CACNA2D2: variants seen among roughly 807,000 people sequenced by gnomAD.
CACNA2D2 encodes the protein calcium voltage-gated channel auxiliary subunit alpha2delta 2.
CACNA2D2 carries 48 observed loss-of-function variants against 166.4 expected under a neutral mutation model. That is an observed-to-expected ratio of 0.29 (90% CI 0.23 to 0.37). The LOEUF is 0.37. CACNA2D2 is among the 10% of genes least tolerant of loss of function. The pLI is 1.00. For synonymous variants in CACNA2D2, 561 were observed against 573.7 expected (o/e 0.98, Z 0.32); for missense variants, 1,122 against 1,433.0 (o/e 0.78, Z 3.50).
intron 1 of CACNA2D2, among the ~76,000 whole-genome samples, chr3:50,483,576 C>T (rs978925258): frequency 6.6e-6 from 1 of 152,180 alleles, no homozygotes; most frequent in Non-Finnish European, 1.5e-5. Flanking sequence ...GGCACCAGGT[C>T]CAGCCCAATA....
At chr3:50,456,196 T>C (rs370661932) in intron 2 of CACNA2D2, among the ~76,000 whole-genome samples, 1 of 152,170 alleles carries the variant, frequency 6.6e-6, no homozygotes, top group Non-Finnish European at 1.5e-5. Flanking sequence ...AAGGGCTGTG[T>C]GCAAATGGAG....
chr3:50,382,231 T>C (rs1256131675), intron 6 of CACNA2D2, among the ~76,000 whole-genome samples: 1 of 152,118 alleles, frequency 6.6e-6, no homozygotes, highest in African/African-American at 2.4e-5. Flanking sequence ...CTGCCAGGCC[T>C]CTGTGCCTCC....
At chr3:50,497,475 G>A (rs954547673) in intron 1 of CACNA2D2, among the ~76,000 whole-genome samples, 22 of 152,288 alleles carry the variant, frequency 1.4e-4, no homozygotes, top group African/African-American at 4.3e-4. Flanking sequence ...GCTCAGTCAC[G>A]GGTAACAGTG....
chr3:50,385,817 G>T (rs966964559), intron 5 of CACNA2D2, among the ~76,000 whole-genome samples: 5 of 152,222 alleles, frequency 3.3e-5, no homozygotes, highest in Admixed American at 2.6e-4. Flanking sequence ...GCTCAGAGGA[G>T]GGGGAGGCGC....
At chr3:50,426,445 T>C (rs1009980877) in intron 3 of CACNA2D2, among the ~76,000 whole-genome samples, 2 of 152,076 alleles carry the variant, frequency 1.3e-5, no homozygotes, top group African/African-American at 4.8e-5. Flanking sequence ...AGCCAAGGTG[T>C]CCCCACAGGA....
At chr3:50,452,002 A>C (rs1056605097) in intron 2 of CACNA2D2, among the ~76,000 whole-genome samples, 2 of 152,186 alleles carry the variant, frequency 1.3e-5, no homozygotes, top group Non-Finnish European at 2.9e-5. Flanking sequence ...TGCATCACCC[A>C]GATTACCCCT....
At chr3:50,396,031 C>T (rs911597468) in intron 3 of CACNA2D2, among the ~76,000 whole-genome samples, 4 of 152,128 alleles carry the variant, frequency 2.6e-5, no homozygotes, top group African/African-American at 4.8e-5. Context: ...CTGGGACCCA[C>T]ACCCTCCTCT....
In CACNA2D2 at chr3:50,427,760, C is replaced by T. The variant is rs920602441; in HGVS notation, c.405+6553G>A. Among the ~76,000 whole-genome samples, 1 of 152,242 alleles carries T rather than the reference C, an allele frequency of 6.6e-6. No homozygotes were observed. Among genetic ancestry groups the T allele is most frequent in the Non-Finnish European group, 1.5e-5 (1 of 68,042 alleles). ...CCACAACCCAGAGCCACAGCGCTGG[C>T]AACTGTTCTACAAATGTTCACCAGT... On this transcript the variant is annotated intron_variant, in intron 3 of 37. Coordinates refer to ENST00000424201, the MANE Select transcript of CACNA2D2 (RefSeq NM_006030.4). This position sits in a 1 kb window ranked among gnomAD's most constrained non-coding sequence, Gnocchi z 4.7.
chr3:50,402,742 C>T (rs1383875157), intron 3 of CACNA2D2, among the ~76,000 whole-genome samples: 11 of 152,202 alleles, frequency 7.2e-5, no homozygotes, highest in Admixed American at 7.2e-4. Flanking sequence ...TCAGTCAGTC[C>T]CTGGCAACCC....
chr3:50,453,005 T>G (rs1709176250), intron 2 of CACNA2D2, among the ~76,000 whole-genome samples: 1 of 152,180 alleles, frequency 6.6e-6, no homozygotes, highest in Non-Finnish European at 1.5e-5. Flanking sequence ...GCCTCCTGTG[T>G]GCAAATCTTA....
intron 2 of CACNA2D2, among the ~76,000 whole-genome samples, chr3:50,453,742 C>T (rs576730004): frequency 8.5e-5 from 13 of 152,232 alleles, no homozygotes; most frequent in African/African-American, 2.9e-4. Flanking sequence ...GGGAGCTTGG[C>T]GAGACGGGAA....
rs932077529 is a variant in CACNA2D2 at position 50,379,912 on chromosome 3, G to A, written c.893+56C>T. 5 of 1,612,184 alleles carry A rather than the reference G, an allele frequency of 3.1e-6. No individual in the cohort carries two copies. The South Asian group carries it at 4.4e-5, about 14-fold the overall frequency. ...CCCCCAAGATGTTCAGGGCAGCAGA[G>A]TCTAGCCCATTGCCCGTCCCTGCCC... On this transcript the variant is annotated intron_variant, in intron 9 of 37. Transcript: ENST00000424201. This position sits in a 1 kb window ranked among gnomAD's most constrained non-coding sequence, Gnocchi z 6.5.
chr3:50,382,730 G>A (rs587722528), intron 6 of CACNA2D2, among the ~76,000 whole-genome samples: 2 of 152,312 alleles, frequency 1.3e-5, no homozygotes, highest in East Asian at 1.9e-4. Flanking sequence ...CCCTGAGAGA[G>A]TCTGCCTGGC....
chr3:50,424,935 G>A (rs2106853915), intron 3 of CACNA2D2, among the ~76,000 whole-genome samples: 1 of 152,178 alleles, frequency 6.6e-6, no homozygotes, highest in East Asian at 1.9e-4. Flanking sequence ...CCCCTACCTG[G>A]GTCTGTGGCA....
chr3:50,418,955 T>G (rs1707413825), intron 3 of CACNA2D2, among the ~76,000 whole-genome samples: 1 of 152,144 alleles, frequency 6.6e-6, no homozygotes. Flanking sequence ...TGGGGGATGA[T>G]CCTGGATGAG....
chr3:50,430,878 C>T (rs990387867), intron 3 of CACNA2D2, among the ~76,000 whole-genome samples: 1 of 152,170 alleles, frequency 6.6e-6, no homozygotes, highest in Admixed American at 6.5e-5. Flanking sequence ...GCTGAGGGCC[C>T]GGCCTGTTTC....
intron 1 of CACNA2D2, among the ~76,000 whole-genome samples, chr3:50,490,577 G>A (rs1173452504): frequency 6.6e-6 from 1 of 152,228 alleles, no homozygotes; most frequent in African/African-American, 2.4e-5. Context: ...ATGTGGGAGT[G>A]GCCTATGCCC....
intron 3 of CACNA2D2, among the ~76,000 whole-genome samples, chr3:50,410,696 AGG>A (rs774517249): frequency 2.6e-5 from 4 of 152,210 alleles, no homozygotes; most frequent in Non-Finnish European, 5.9e-5. Flanking sequence ...TCCAAGGGAA[AGG>A]GGGTAAGTGG....
At chr3:50,412,365 G>A in intron 3 of CACNA2D2, among the ~76,000 whole-genome samples, 1 of 152,200 alleles carries the variant, frequency 6.6e-6, no homozygotes, top group East Asian at 1.9e-4. Context: ...CGTCTCCCTG[G>A]AAAACGAGAC....
Sources: allele counts gnomAD v4.1 joint callset (sites outside exome capture counted in the v4.1 genomes callset), GRCh38; gene constraint gnomAD v4.1.1; non-coding constraint Gnocchi (gnomAD v3.1); transcripts MANE v1.5; gene names NCBI Gene and HGNC (gene_info 2026-07-23, HGNC 2026-07-21).